Variants in CLMN observed in about 807,000 individuals in gnomAD.
CLMN encodes the protein calmin (calponin-like, transmembrane).
Under a neutral mutation model 92.7 loss-of-function variants are expected in CLMN, and 57 were observed. The observed-to-expected ratio is 0.61, with a 90% CI of 0.50 to 0.77. CLMN has a LOEUF of 0.77. Among genes scored for constraint, CLMN ranks in the 30% least tolerant of loss-of-function variants. CLMN has a pLI of 0.00. For missense variants in CLMN, 1,158 were observed against 1,237.5 expected, an observed-to-expected ratio of 0.94 and a Z score of 0.96; for synonymous variants, 466 against 470.6, an observed-to-expected ratio of 0.99 and a Z score of 0.13.
rs72710138 is a variant in CLMN at position 95,286,537 on chromosome 14, T to C, written c.82+33174A>G. On this transcript the variant is annotated intron_variant, in intron 1 of 12. Coordinates refer to ENST00000298912, the MANE Select transcript of CLMN (RefSeq NM_024734.4). ...GTCTTCTTTGGGGGTGATGAAACTT[T>C]TGGAATAAGATAGTGGTAATGGTTG... Among the ~76,000 whole-genome samples, 822 of 152,268 alleles carry C rather than the reference T, an allele frequency of 5.4e-3. 4 individuals are homozygous for C. The highest frequency in any genetic ancestry group is 9.0e-3 in the Non-Finnish European group (612 of 68,036).
intron 1 of CLMN, among the ~76,000 whole-genome samples, chr14:95,295,420 G>T (rs1348400422): frequency 6.6e-6 from 1 of 152,188 alleles, no homozygotes; most frequent in Non-Finnish European, 1.5e-5. Flanking sequence ...GGCTCTCCCT[G>T]GGGGGATAGC....
chr14:95,251,902 C>T (rs796090111), intron 1 of CLMN, among the ~76,000 whole-genome samples: 6 of 152,132 alleles, frequency 3.9e-5, no homozygotes, highest in East Asian at 1.9e-4. Flanking sequence ...TCCAAGGACC[C>T]GAGCCAGGCC....
intron 12 of CLMN, chr14:95,193,225 A>G (rs904449772): frequency 2.1e-5 from 16 of 766,378 alleles, no homozygotes; most frequent in Non-Finnish European, 3.3e-5. Flanking sequence ...AGAATTTGAG[A>G]CGTTTTTCTG....
chr14:95,207,737 C>T (rs1897085048), intron 8 of CLMN, among the ~76,000 whole-genome samples: 1 of 152,218 alleles, frequency 6.6e-6, no homozygotes, highest in Admixed American at 6.5e-5. Context: ...GGAATTCCTG[C>T]TTCCACAGCG....
chr14:95,213,590 C>T (rs992236133), intron 5 of CLMN, among the ~76,000 whole-genome samples, 181 bp from the exon 6 acceptor site: 5 of 152,068 alleles, frequency 3.3e-5, no homozygotes, highest in African/African-American at 4.8e-5. Context: ...CTTGTGATGG[C>T]CTGTCCGTTT....
rs1177720153 is a variant in CLMN, at chr14:95,245,195, ATATATATATATAT to A, written c.83-15075_83-15063del. ...TATATTATATATATATATATATATA[ATATATATATATAT>A]TATATATATATATATATTATATATA... On this transcript the variant is annotated intron_variant, in intron 1 of 12. Transcript: ENST00000298912. Among the ~76,000 whole-genome samples the A allele has an allele frequency of 1.8e-3, 50 of 27,768 alleles. 1 individual carries two copies. The highest frequency in any genetic ancestry group is 2.4e-3 in the Non-Finnish European group (40 of 17,000). 18.2% of individuals were successfully genotyped at this position (27,768 alleles called of 152,430 possible).
chr14:95,218,486 G>C (rs2052732678), intron 4 of CLMN, among the ~76,000 whole-genome samples: 1 of 152,244 alleles, frequency 6.6e-6, no homozygotes, highest in Admixed American at 6.5e-5. Context: ...CCTGAGCAAA[G>C]AGGACCTGGC....
At chr14:95,312,746 C>G (rs1901597271) in intron 1 of CLMN, among the ~76,000 whole-genome samples, 1 of 152,154 alleles carries the variant, frequency 6.6e-6, no homozygotes, top group South Asian at 2.1e-4. Flanking sequence ...AATGACCAGG[C>G]AAGTGTGGGA....
intron 1 of CLMN, among the ~76,000 whole-genome samples, chr14:95,261,530 C>T (rs1899255927): frequency 2.0e-5 from 3 of 152,222 alleles, no homozygotes; most frequent in South Asian, 2.1e-4. Context: ...CTATCTAAAA[C>T]GGCCCTCAGG....
intron 12 of CLMN, chr14:95,193,422 T>G: frequency 6.6e-7 from 1 of 1,520,216 alleles, no homozygotes; most frequent in Non-Finnish European, 8.8e-7. Flanking sequence ...GTACCTGCAG[T>G]GGCAACAGAG....
At chr14:95,209,861 A>G (rs945455) in intron 7 of CLMN, among the ~76,000 whole-genome samples, 17,198 of 152,208 alleles carry the variant, frequency 0.11, 1,532 homozygotes, top group East Asian at 0.44. Context: ...AACTTCACAG[A>G]GATAGCCAAA....
intron 1 of CLMN, among the ~76,000 whole-genome samples, chr14:95,274,698 C>G (rs747005380): frequency 1.3e-5 from 2 of 152,152 alleles, no homozygotes; most frequent in Non-Finnish European, 2.9e-5. Context: ...ATGATAGTCA[C>G]AGCCGGGCGC....
chr14:95,310,041 G>A (rs1901463350), intron 1 of CLMN, among the ~76,000 whole-genome samples: 1 of 152,132 alleles, frequency 6.6e-6, no homozygotes, highest in African/African-American at 2.4e-5. Context: ...GCCTGATATG[G>A]TTTGGGTGTG....
In CLMN at chr14:95,215,787, A is replaced by G. The variant is rs907460930; in HGVS notation, c.325-54T>C. The G allele has an allele frequency of 5.3e-6, 7 of 1,325,028 alleles. No homozygotes were observed. In the South Asian group the frequency reaches 8.2e-5, roughly 16 times the overall value. 82.1% of individuals were successfully genotyped at this position (1,325,028 alleles called of 1,614,324 possible). A position where few individuals can be genotyped will look rare whatever the true frequency, so the allele number is the denominator to read the frequency against. On this transcript the variant is annotated intron_variant, in intron 4 of 12. Coordinates refer to ENST00000298912, the MANE Select transcript of CLMN (RefSeq NM_024734.4). Reference sequence around the variant, plus strand: ...GCGAGGTGTCCAGGGAGGATAACATATGTTATTTTCTGGTTCTCTCTCTCT... The same window carrying G: ...GCGAGGTGTCCAGGGAGGATAACATGTGTTATTTTCTGGTTCTCTCTCTCT...
Position 95,215,667 on chromosome 14 carries a change from T to C in CLMN, c.391A>G (p.Ile131Val). ...TGGAAGAAGAGGATTATGTTCCATA[T>C]CAGCCCAAGAACCAAAGAAGGGTTG... ...DGNPSLVLGLIWNIILFFQIK... is the reference protein window; with the variant it reads ...DGNPSLVLGLVWNIILFFQIK... The change falls in exon 5 of 13, where the codon ATA (isoleucine) becomes GTA (valine). Residue 131 changes from isoleucine (I) to valine (V), a missense_variant. Physicochemically the swap from Ile to Val is conservative, Grantham distance 29. Coordinates refer to ENST00000298912, the MANE Select transcript of CLMN (RefSeq NM_024734.4). 1.2e-6 allele frequency: 2 copies of C among 1,614,158 alleles called. No individual in the cohort carries two copies. The highest frequency in any genetic ancestry group is 1.7e-6 in the Non-Finnish European group (2 of 1,179,990).
chr14:95,237,047 T>C (rs1898079152), intron 1 of CLMN, among the ~76,000 whole-genome samples: 1 of 152,218 alleles, frequency 6.6e-6, no homozygotes, highest in South Asian at 2.1e-4. Context: ...ACATCGTAAG[T>C]GCTCAATAGA....
intron 1 of CLMN, among the ~76,000 whole-genome samples, chr14:95,241,555 A>G (rs1050257204): frequency 7.2e-5 from 11 of 152,242 alleles, no homozygotes; most frequent in African/African-American, 2.4e-4. Flanking sequence ...TGAAGTTTCT[A>G]CCCTGAGCAG....
chr14:95,246,341 T>C (rs962717598), intron 1 of CLMN, among the ~76,000 whole-genome samples: 4 of 152,208 alleles, frequency 2.6e-5, no homozygotes, highest in African/African-American at 4.8e-5. Flanking sequence ...CTCCCATTCC[T>C]TCCTGTGAAA....
At chr14:95,313,672 A>G (rs1244211805) in intron 1 of CLMN, among the ~76,000 whole-genome samples, 4 of 152,138 alleles carry the variant, frequency 2.6e-5, no homozygotes, top group African/African-American at 9.7e-5. Context: ...GGAAAGAAAA[A>G]AAATTTATAA....
Sources: allele counts gnomAD v4.1 joint callset (sites outside exome capture counted in the v4.1 genomes callset), GRCh38; gene constraint gnomAD v4.1.1; transcripts MANE v1.5; gene names NCBI Gene and HGNC (gene_info 2026-07-23, HGNC 2026-07-21).